Variants in TM9SF3 observed in about 807,000 individuals in gnomAD.
The protein encoded by TM9SF3 is SM-11044-binding protein.
TM9SF3 carries 14 observed loss-of-function variants against 78.6 expected under a neutral mutation model. The ratio of observed to expected loss-of-function variants is 0.18; its 90% CI spans 0.12 to 0.28. The LOEUF (loss-of-function observed/expected upper bound fraction) is 0.28. Ranked by LOEUF, TM9SF3 falls within the 10% of genes least tolerant of loss-of-function variation. The probability of loss-of-function intolerance (pLI) is 1.00; values close to 1 mark genes in which losing one functional copy is unlikely to be tolerated. For missense variants in TM9SF3, 496 were observed against 721.9 expected, an observed-to-expected ratio of 0.69 and a Z score of 3.59; for synonymous variants, 231 against 241.7, an observed-to-expected ratio of 0.96 and a Z score of 0.41.
intron 4 of TM9SF3, among the ~76,000 whole-genome samples, chr10:96,561,180 C>T (rs1283527502): frequency 3.9e-5 from 6 of 152,212 alleles, no homozygotes; most frequent in East Asian, 1.9e-4. Flanking sequence ...CTTGCACATT[C>T]GCCTCTCCTC....
At chr10:96,527,910 T>G in intron 12 of TM9SF3, 121 bp downstream of exon 12, 1 of 986,934 alleles carries the variant, frequency 1.0e-6, no homozygotes, top group Non-Finnish European at 1.4e-6. Context: ...AAAAAATCCC[T>G]ATGCTATTTT....
In TM9SF3 at chr10:96,528,114, C is replaced by T; in HGVS notation, c.1458G>A (p.Leu486=). ...TCACAATGCACAGGATAACCAGCAC[C>T]AGCATCATGAAGCCATAGACATAAT... is the stretch of plus-strand genomic sequence containing the variant. ...KIYYVYGFMM[L]VLVILCIVTV... is the part of the protein sequence containing the mutation. The change falls in exon 12 of 15, where the codon CTG becomes CTA. Residue 486 remains leucine, a synonymous_variant. Coordinates refer to ENST00000371142, the MANE Select transcript of TM9SF3 (RefSeq NM_020123.4). The T allele has an allele frequency of 6.2e-7, 1 of 1,612,850 alleles. No individual in the cohort carries two copies. Among genetic ancestry groups the T allele is most frequent in the Non-Finnish European group, 8.5e-7 (1 of 1,179,112 alleles).
intron 1 of TM9SF3, chr10:96,577,539 G>A (rs1848511408): frequency 6.6e-6 from 1 of 152,148 alleles, no homozygotes; most frequent in African/African-American, 2.4e-5. Context: ...ACAAGTGGGA[G>A]GCCTGTCAAA....
At position 96,539,354 on chromosome 10, in the gene TM9SF3, T is replaced by A. The variant is rs1368893716; in HGVS notation, c.1185+4722A>T. On this transcript the variant is annotated intron_variant, in intron 9 of 14. Transcript: ENST00000371142. Reference sequence around the variant, plus strand: ...GCCTGGGCTACAGAGCAAGACCCAGTCTCAAAAAAAAAATTTTTTTAATGC... The same window carrying A: ...GCCTGGGCTACAGAGCAAGACCCAGACTCAAAAAAAAAATTTTTTTAATGC... Among the ~76,000 whole-genome samples the A allele has an allele frequency of 2.0e-5, 3 of 151,872 alleles. No individual in the cohort carries two copies. In the East Asian group the frequency reaches 5.8e-4, roughly 29 times the overall value.
chr10:96,545,907 CA>C (rs2134140115), intron 8 of TM9SF3, among the ~76,000 whole-genome samples: 1 of 151,960 alleles, frequency 6.6e-6, no homozygotes, highest in South Asian at 2.1e-4. Context: ...ATCAATCAAT[CA>C]ATCAATCAAT....
intron 2 of TM9SF3, among the ~76,000 whole-genome samples, chr10:96,571,752 G>A (rs1205037001): frequency 6.6e-6 from 1 of 152,094 alleles, no homozygotes; most frequent in Non-Finnish European, 1.5e-5. Flanking sequence ...GAAATTCAAG[G>A]AAGAAAAAAA....
At chr10:96,582,647 T>A (rs1013431240) in intron 1 of TM9SF3, among the ~76,000 whole-genome samples, 1 of 152,218 alleles carries the variant, frequency 6.6e-6, no homozygotes, top group African/African-American at 2.4e-5. Context: ...ATGCATATGA[T>A]TCAACTTTTA....
chr10:96,526,404 TA>T (rs1212332064), intron 14 of TM9SF3, among the ~76,000 whole-genome samples: 1 of 152,190 alleles, frequency 6.6e-6, no homozygotes, highest in East Asian at 1.9e-4. Context: ...TCCATGGCCA[TA>T]AAAAAAGCTG....
intron 7 of TM9SF3, among the ~76,000 whole-genome samples, chr10:96,548,254 A>G (rs1267095767): frequency 6.6e-6 from 1 of 152,148 alleles, no homozygotes; most frequent in African/African-American, 2.4e-5. Context: ...AGTATTTCAT[A>G]TTTATTTGGC....
intron 9 of TM9SF3, among the ~76,000 whole-genome samples, chr10:96,540,769 CTTTTT>C (rs68126103): frequency 1.9e-5 from 1 of 51,308 alleles, no homozygotes; most frequent in Non-Finnish European, 3.3e-5. Context: ...TATTACCTTT[CTTTTT>C]TTTTTTTTTT....
chr10:96,576,491 A>G (rs1214268896), intron 2 of TM9SF3, 143 bp downstream of exon 2: 1 of 745,896 alleles, frequency 1.3e-6, no homozygotes, highest in Non-Finnish European at 2.0e-6. Flanking sequence ...GGTACAGGCC[A>G]GGGACTCTGC....
chr10:96,532,953 C>A, intron 10 of TM9SF3, 98 bp downstream of exon 10: 1 of 1,417,442 alleles, frequency 7.1e-7, no homozygotes, highest in South Asian at 1.4e-5. Context: ...TTGTCATTAT[C>A]ATAAATACAT....
At chr10:96,571,750 A>C (rs184564389) in intron 2 of TM9SF3, among the ~76,000 whole-genome samples, 1 of 152,358 alleles carries the variant, frequency 6.6e-6, no homozygotes, top group East Asian at 1.9e-4. Context: ...GCGAAATTCA[A>C]GGAAGAAAAA....
chr10:96,526,142 T>C (rs1234326869), intron 14 of TM9SF3, among the ~76,000 whole-genome samples: 2 of 152,088 alleles, frequency 1.3e-5, no homozygotes, highest in African/African-American at 2.4e-5. Context: ...TGAGTAAAGT[T>C]GAGGAAGAAA....
intron 2 of TM9SF3, among the ~76,000 whole-genome samples, chr10:96,567,998 G>A (rs1191404880): frequency 6.6e-6 from 1 of 152,208 alleles, no homozygotes; most frequent in Non-Finnish European, 1.5e-5. Context: ...TTGACAAAGA[G>A]GTCTTGAAGA....
chr10:96,572,510 T>C (rs1042694246), intron 2 of TM9SF3, among the ~76,000 whole-genome samples: 3 of 151,328 alleles, frequency 2.0e-5, no homozygotes, highest in African/African-American at 7.3e-5. Flanking sequence ...AGCCCTTCTA[T>C]ATTTAACGCA....
chr10:96,560,283 G>A (rs1278101390), intron 4 of TM9SF3: 8 of 763,180 alleles, frequency 1.0e-5, no homozygotes, highest in Admixed American at 8.6e-5. Context: ...ACTTTAAGGT[G>A]GATAATGATG....
In TM9SF3 at chr10:96,559,622, CACATAATCAATGTCTTAAAAT is replaced by C; in HGVS notation, c.660+16_660+36del. 1 of 1,417,882 alleles carries C rather than the reference CACATAATCAATGTCTTAAAAT, an allele frequency of 7.1e-7. No homozygotes were observed. The highest frequency in any genetic ancestry group is 9.7e-7 in the Non-Finnish European group (1 of 1,027,654). The allele number at this position is 1,417,882 out of a possible 1,614,324, so 87.8% of individuals were successfully genotyped here. A position where few individuals can be genotyped will look rare whatever the true frequency, so the allele number is the denominator to read the frequency against. Reference sequence around the variant, plus strand: ...TCAATGTTTGTTGAACGAATTGGTGCACATAATCAATGTCTTAAAATACACTATTTACCTACCCGATGTTGA... The same window carrying C: ...TCAATGTTTGTTGAACGAATTGGTGCACACTATTTACCTACCCGATGTTGA... On this transcript the variant is annotated intron_variant, in intron 5 of 14. Transcript: ENST00000371142.
At chr10:96,529,551 C>G (rs1847874286) in intron 11 of TM9SF3, among the ~76,000 whole-genome samples, 1 of 150,418 alleles carries the variant, frequency 6.6e-6, no homozygotes, top group East Asian at 2.0e-4. Context: ...TCTTGCTTCA[C>G]TTTAAAAAGG....
Sources: allele counts gnomAD v4.1 joint callset (sites outside exome capture counted in the v4.1 genomes callset), GRCh38; gene constraint gnomAD v4.1.1; transcripts MANE v1.5; gene names NCBI Gene and HGNC (gene_info 2026-07-23, HGNC 2026-07-21).